VPS37B: variants seen among roughly 807,000 people sequenced by gnomAD.
The protein encoded by VPS37B is VPS37B subunit of ESCRT-I.
Under a neutral mutation model 21.2 loss-of-function variants are expected in VPS37B, and 11 were observed. The ratio of observed to expected loss-of-function variants is 0.52; its 90% CI spans 0.33 to 0.86. The LOEUF (loss-of-function observed/expected upper bound fraction) is 0.86, where lower values mean the gene tolerates loss of function less well. Ranked by LOEUF, VPS37B falls within the 40% of genes least tolerant of loss-of-function variation. VPS37B has a pLI of 0.03. For missense variants in VPS37B, 389 were observed against 374.8 expected (o/e 1.04, Z -0.31); for synonymous variants, 175 against 159.6 (o/e 1.10, Z -0.73).
Position 122,866,782 on chromosome 12 carries a change from A to G in VPS37B, c.*334T>C, listed in dbSNP as rs1402877051. 3 of 274,838 alleles carry G rather than the reference A, an allele frequency of 1.1e-5. No individual in the cohort carries two copies. Among genetic ancestry groups the G allele is most frequent in the Admixed American group, 1.0e-4 (2 of 19,750 alleles). 17.0% of individuals were successfully genotyped at this position (274,838 alleles called of 1,614,324 possible). ...ACCATGCTCATTAAATAAAGCTGCA[A>G]CAGAAGGACCACGATTCTAAATGGG... On this transcript the variant is annotated 3_prime_UTR_variant, in exon 4 of 4. Coordinates refer to ENST00000267202, the MANE Select transcript of VPS37B (RefSeq NM_024667.3).
At chr12:122,886,429 A>G (rs1317383121) in intron 1 of VPS37B, 3 of 152,136 alleles carry the variant, frequency 2.0e-5, no homozygotes, top group African/African-American at 7.2e-5. Flanking sequence ...AGAACAGCCT[A>G]GGAAACCATA....
chr12:122,886,286 G>A (rs541495214), intron 1 of VPS37B: 57 of 152,308 alleles, frequency 3.7e-4, no homozygotes, highest in African/African-American at 1.4e-3. Context: ...ATACTGTGTA[G>A]GCTGCCCCTC....
Position 122,871,041 on chromosome 12 carries a change from G to A in VPS37B, c.132C>T (p.Asn44=), listed in dbSNP as rs1278634899. The change falls in exon 2 of 4, where the codon AAC becomes AAT. Residue 44 remains asparagine, a synonymous_variant. Coordinates refer to ENST00000267202, the MANE Select transcript of VPS37B (RefSeq NM_024667.3). ...GGTTGCTGGCAAGTGTCATTTCTTT[G>A]TTAAGCTGAACATTCTGTGTCTGCA... ...KMEETQNVQL[N]KEMTLASNRS... 6.2e-7 allele frequency: 1 copy of A among 1,614,108 alleles called. No individual in the cohort carries two copies. The highest frequency in any genetic ancestry group is 1.7e-5 in the Admixed American group (1 of 59,994).
At chr12:122,888,503 C>T (rs758813287) in intron 1 of VPS37B, 3 of 455,462 alleles carry the variant, frequency 6.6e-6, no homozygotes, top group South Asian at 3.1e-5. Context: ...TCTTCTAGAT[C>T]ACCTCCCACT....
At chr12:122,880,260 T>C (rs1314159999) in intron 1 of VPS37B, 1 of 152,192 alleles carries the variant, frequency 6.6e-6, no homozygotes, top group Non-Finnish European at 1.5e-5. Context: ...ACTGGGAAAC[T>C]ACTTGCATTC....
intron 1 of VPS37B, among the ~76,000 whole-genome samples, chr12:122,891,781 T>C (rs1410824665): frequency 6.6e-6 from 1 of 152,226 alleles, no homozygotes; most frequent in African/African-American, 2.4e-5. Context: ...ATTCATGCAG[T>C]AGCTTTCAGC....
intron 1 of VPS37B, 127 bp downstream of exon 1, chr12:122,895,825 C>G: frequency 1.2e-6 from 1 of 802,464 alleles, no homozygotes; most frequent in Admixed American, 2.5e-5. Flanking sequence ...CCAAGCGCCC[C>G]CATTTCTAGC....
At chr12:122,871,346 G>T (rs999934251) in intron 1 of VPS37B, 2 of 1,137,552 alleles carry the variant, frequency 1.8e-6, no homozygotes, top group South Asian at 7.4e-5. Context: ...CCACGGCTGC[G>T]CTGTGACTTG....
At position 122,867,939 on chromosome 12, in the gene VPS37B, C is replaced by T. The variant is rs2033942319; in HGVS notation, c.367-332G>A. Among the ~76,000 whole-genome samples, 1 of 149,268 alleles carries T rather than the reference C, an allele frequency of 6.7e-6. No homozygotes were observed. The highest frequency in any genetic ancestry group is 2.6e-5 in the African/African-American group (1 of 38,568). On this transcript the variant is annotated intron_variant, in intron 3 of 3. Transcript: ENST00000267202. This position sits in a 1 kb window ranked among gnomAD's most constrained non-coding sequence, Gnocchi z 5.5. ...GAGTCCAACACCTCCTTGCTTCCAC[C>T]CGGCTGCACCCTGACTGACAGACTC...
intron 1 of VPS37B, chr12:122,885,882 A>G (rs1427565973): frequency 6.6e-6 from 1 of 150,418 alleles, no homozygotes; most frequent in African/African-American, 2.4e-5. Flanking sequence ...ACGGGGTTTC[A>G]CCGTGTTAGC....
At chr12:122,895,804 C>T (rs1189005107) in intron 1 of VPS37B, 148 bp downstream of exon 1, 3 of 668,478 alleles carry the variant, frequency 4.5e-6, no homozygotes, top group Middle Eastern at 3.6e-4. Context: ...CCCTGGCTCC[C>T]GCACCCCGCC....
chr12:122,891,208 C>T (rs1182459788), intron 1 of VPS37B, among the ~76,000 whole-genome samples: 2 of 152,206 alleles, frequency 1.3e-5, no homozygotes, highest in Non-Finnish European at 2.9e-5. Context: ...TGCCACCCAC[C>T]ACTGCACTTT....
At position 122,895,932 on chromosome 12, in the gene VPS37B, T is replaced by C; in HGVS notation, c.111+20A>G. 1 of 1,609,052 alleles carries C rather than the reference T, an allele frequency of 6.2e-7. No individual in the cohort carries two copies. The highest frequency in any genetic ancestry group is 8.5e-7 in the Non-Finnish European group (1 of 1,177,142). On this transcript the variant is annotated intron_variant, in intron 1 of 3. Transcript: ENST00000267202. ...CGCTCGAGGCCTCACAGCCGCCGCC[T>C]TAAGCCCAGCTCGGCTCACCTCCTC...
intron 1 of VPS37B, chr12:122,880,499 A>T (rs1437427838): frequency 6.6e-6 from 1 of 152,110 alleles, no homozygotes; most frequent in Non-Finnish European, 1.5e-5. Context: ...TTAGAGTAGC[A>T]TTACTGTCAT....
At position 122,868,589 on chromosome 12, in the gene VPS37B, A is replaced by G. The variant is rs1392361562; in HGVS notation, c.284-27T>C. 1.2e-5 allele frequency: 20 copies of G among 1,602,784 alleles called. No individual in the cohort carries two copies. In the South Asian group the frequency reaches 2.0e-4, roughly 16 times the overall value. On this transcript the variant is annotated intron_variant, in intron 2 of 3. Coordinates refer to ENST00000267202, the MANE Select transcript of VPS37B (RefSeq NM_024667.3). The surrounding 1 kb of genome is among the most constrained non-coding windows in gnomAD (Gnocchi z 5.5). The stretch of plus-strand genomic sequence containing the variant: ...TGGAAAAAAAGCAAGAGGTATGACA[A>G]AAGTGAGAGGTGTCCAGGTAAAGCC...
At chr12:122,882,946 C>T (rs2034268073) in intron 1 of VPS37B, 1 of 152,230 alleles carries the variant, frequency 6.6e-6, no homozygotes, top group Non-Finnish European at 1.5e-5. Flanking sequence ...ACAAACTTAA[C>T]AGTTGCGGAG....
chr12:122,894,565 A>G (rs2034461411), intron 1 of VPS37B, among the ~76,000 whole-genome samples: 2 of 152,218 alleles, frequency 1.3e-5, no homozygotes, highest in East Asian at 1.9e-4. Context: ...GAGGCTCAGC[A>G]CTGTAGGCGT....
intron 1 of VPS37B, 50 bp downstream of exon 1, chr12:122,895,902 A>C: frequency 4.5e-6 from 7 of 1,560,332 alleles, no homozygotes; most frequent in Non-Finnish European, 6.2e-6. Context: ...TCGAGGAGCG[A>C]ACCCCGCTCG....
intron 2 of VPS37B, chr12:122,870,242 C>G (rs1180387358): frequency 6.6e-6 from 1 of 152,144 alleles, no homozygotes; most frequent in Non-Finnish European, 1.5e-5. Context: ...ATCTCCAGCC[C>G]CTTTTCTGGT....
Sources: gnomAD v4.1 joint callset for allele counts (sites outside exome capture counted in the v4.1 genomes callset) on GRCh38, gnomAD v4.1.1 for gene constraint, Gnocchi (gnomAD v3.1) non-coding constraint, MANE v1.5 for transcripts, NCBI Gene and HGNC (gene_info 2026-07-23, HGNC 2026-07-21) for gene names.